The following AGMO variants were observed in gnomAD, a reference collection of about 807,000 sequenced individuals.
The protein encoded by AGMO is alkylglycerol monooxygenase.
AGMO carries 75 observed loss-of-function variants against 60.2 expected under a neutral mutation model. The ratio of observed to expected loss-of-function variants is 1.25; its 90% CI spans 1.03 to 1.51. AGMO has a LOEUF of 1.51. AGMO is among the 40% of genes most tolerant of loss of function. AGMO has a pLI of 0.00. For synonymous variants in AGMO, 261 were observed against 177.1 expected, an observed-to-expected ratio of 1.47 and a Z score of -3.76; for missense variants, 763 against 525.5, an observed-to-expected ratio of 1.45 and a Z score of -4.42.
chr7:15,251,125 G>C (rs901449628), intron 12 of AGMO, among the ~76,000 whole-genome samples: 1 of 152,056 alleles, frequency 6.6e-6, no homozygotes, highest in Non-Finnish European at 1.5e-5. Flanking sequence ...CTTTAGCCCA[G>C]CTCAAAATGC....
chr7:15,493,237 T>G (rs549412058), intron 3 of AGMO, among the ~76,000 whole-genome samples: 4 of 151,484 alleles, frequency 2.6e-5, no homozygotes, highest in South Asian at 2.1e-4. Context: ...AGCTTGTTTG[T>G]TTTTTTTGCG....
At chr7:15,405,569 G>A (rs983346335) in intron 5 of AGMO, among the ~76,000 whole-genome samples, 2 of 151,718 alleles carry the variant, frequency 1.3e-5, no homozygotes, top group Non-Finnish European at 2.9e-5. Flanking sequence ...ATTCTAGTTC[G>A]GACTTTATGA....
intron 12 of AGMO, among the ~76,000 whole-genome samples, chr7:15,211,558 T>TG (rs887752674): frequency 5.9e-5 from 9 of 151,690 alleles, no homozygotes; most frequent in African/African-American, 1.9e-4. Context: ...TGGTGTTCCA[T>TG]GTTTTTTTTT....
At chr7:15,385,880 T>A (rs1783890402) in intron 9 of AGMO, among the ~76,000 whole-genome samples, 2 of 151,966 alleles carry the variant, frequency 1.3e-5, no homozygotes, top group African/African-American at 4.8e-5. Flanking sequence ...AAAAGCAAAG[T>A]AAAAGAAAAA....
At chr7:15,327,782 C>T in intron 12 of AGMO, among the ~76,000 whole-genome samples, 1 of 129,558 alleles carries the variant, frequency 7.7e-6, no homozygotes, top group African/African-American at 3.0e-5. Flanking sequence ...AGGTCTCACT[C>T]TGTCACCCAG....
intron 12 of AGMO, among the ~76,000 whole-genome samples, chr7:15,318,004 A>G (rs1780992346): frequency 7.3e-6 from 1 of 136,374 alleles, no homozygotes; most frequent in Admixed American, 8.4e-5. Context: ...GTATATATAT[A>G]CATATATTTT....
intron 12 of AGMO, among the ~76,000 whole-genome samples, chr7:15,209,771 G>A (rs1485796970): frequency 6.6e-6 from 1 of 151,962 alleles, no homozygotes; most frequent in East Asian, 1.9e-4. Flanking sequence ...AGCCACAGCT[G>A]CTTTCCTGAG....
intron 12 of AGMO, chr7:15,306,380 C>G: frequency 2.9e-6 from 1 of 345,760 alleles, no homozygotes; most frequent in South Asian, 2.3e-5. Flanking sequence ...TTGGGGCTTA[C>G]AAAATCTTTA....
At position 15,523,087 on chromosome 7, in the gene AGMO, A is replaced by G. The variant is rs564160689; in HGVS notation, c.409+21685T>C. On this transcript the variant is annotated intron_variant, in intron 3 of 12. Transcript: ENST00000342526. Reference sequence around the variant, plus strand: ...CATTTATGCGGCCAACAAACATATGAAAAACAGTTCATCATCACTGGTCAT... The same window carrying G: ...CATTTATGCGGCCAACAAACATATGGAAAACAGTTCATCATCACTGGTCAT... 7.2e-5 allele frequency among the ~76,000 whole-genome samples: 11 copies of G among 152,380 alleles called. No homozygotes were observed. The South Asian group carries it at 1.5e-3, about 20-fold the overall frequency.
At chr7:15,142,629 G>A in the AGMO span, among the ~76,000 whole-genome samples, 5 of 151,966 alleles carry the variant, frequency 3.3e-5, no homozygotes, top group South Asian at 2.1e-4. Context: ...TTATCCTGAA[G>A]CTTTAAGACC....
At chr7:15,184,301 G>A in the AGMO span, among the ~76,000 whole-genome samples, 231 of 53,694 alleles carry the variant, frequency 4.3e-3, 41 homozygotes, top group Non-Finnish European at 7.6e-3. Context: ...AAGGGAGGCA[G>A]GCAGGGAGGG....
At chr7:15,530,335 T>G (rs1005021503) in intron 3 of AGMO, among the ~76,000 whole-genome samples, 6 of 105,150 alleles carry the variant, frequency 5.7e-5, no homozygotes, top group East Asian at 3.0e-4. Flanking sequence ...TATTTCCATA[T>G]ATATTCTATA....
chr7:15,279,650 G>A (rs1783905923), intron 12 of AGMO, among the ~76,000 whole-genome samples: 1 of 152,088 alleles, frequency 6.6e-6, no homozygotes, highest in South Asian at 2.1e-4. Context: ...GAACTTAACA[G>A]GAACACTGAA....
intron 4 of AGMO, among the ~76,000 whole-genome samples, chr7:15,422,347 G>A (rs757011854): frequency 1.2e-4 from 18 of 151,514 alleles, no homozygotes; most frequent in Non-Finnish European, 2.7e-4. Flanking sequence ...AAAGGAAGAG[G>A]GAAAATGCCA....
intron 12 of AGMO, among the ~76,000 whole-genome samples, chr7:15,353,974 G>A (rs188282267): frequency 1.8e-4 from 28 of 152,110 alleles, no homozygotes; most frequent in Admixed American, 4.6e-4. Flanking sequence ...ATACATTTTG[G>A]AAAATTTCAT....
intron 8 of AGMO, among the ~76,000 whole-genome samples, chr7:15,390,395 A>AG (rs1455013938): frequency 3.3e-5 from 5 of 152,210 alleles, no homozygotes; most frequent in African/African-American, 4.8e-5. Context: ...AACATATTTC[A>AG]GGTCCATTCT....
chr7:15,176,010 T>C, the AGMO span, among the ~76,000 whole-genome samples: 1 of 151,988 alleles, frequency 6.6e-6, no homozygotes, highest in African/African-American at 2.4e-5. Context: ...TATCTTCGTA[T>C]ACAAAGAGTA....
chr7:15,486,214 T>C (rs768846852), intron 3 of AGMO, among the ~76,000 whole-genome samples: 27 of 152,094 alleles, frequency 1.8e-4, no homozygotes, highest in Non-Finnish European at 3.8e-4. Flanking sequence ...TCTAGCTCTA[T>C]CAGCAAGCTC....
chr7:15,417,481 C>G (rs564546100), intron 5 of AGMO, among the ~76,000 whole-genome samples: 1 of 152,110 alleles, frequency 6.6e-6, no homozygotes, highest in South Asian at 2.1e-4. Context: ...TCCCTTAACC[C>G]CTCCATGTAA....
Sources: gnomAD v4.1 joint callset for allele counts (sites outside exome capture counted in the v4.1 genomes callset) on GRCh38, gnomAD v4.1.1 for gene constraint, MANE v1.5 for transcripts, NCBI Gene and HGNC (gene_info 2026-07-23, HGNC 2026-07-21) for gene names.